MIB1: variants seen among roughly 807,000 people sequenced by gnomAD.
The protein encoded by MIB1 is MIB E3 ubiquitin protein ligase 1.
A neutral mutation model predicts 124.5 loss-of-function variants in MIB1; 278 were observed. The ratio of observed to expected loss-of-function variants is 2.23; its 90% confidence interval spans 2.02 to 2.47. The LOEUF (loss-of-function observed/expected upper bound fraction) is 2.47. Ranked by LOEUF, MIB1 falls within the 30% of genes most tolerant of loss-of-function variation. MIB1 has a pLI of 0.00. For synonymous variants in MIB1, 446 were observed against 429.4 expected (o/e 1.04, Z -0.48); for missense variants, 957 against 1,254.4 (o/e 0.76, Z 3.58).
At position 21,765,845 on chromosome 18, in the gene MIB1, A is replaced by C; in HGVS notation, c.303A>C (p.Ala101=). ...TCATTGGCATTCGATGGAAGTGTGCAGAGTGTACAAATTATGATTTGTGCA... is the reference window on the plus strand; with the variant it reads ...TCATTGGCATTCGATGGAAGTGTGCCGAGTGTACAAATTATGATTTGTGCA... ...QPIIGIRWKC[A]ECTNYDLCTV... The change falls in exon 2 of 21, where the codon GCA becomes GCC. Residue 101 remains alanine, a synonymous_variant. Coordinates refer to ENST00000261537, the MANE Select transcript of MIB1 (RefSeq NM_020774.4). The C allele has an allele frequency of 6.2e-7, 1 of 1,614,186 alleles. No individual in the cohort carries two copies. The highest frequency in any genetic ancestry group is 8.5e-7 in the Non-Finnish European group (1 of 1,179,984).
chr18:21,743,539 T>C (rs2040879983), intron 1 of MIB1, among the ~76,000 whole-genome samples: 1 of 152,260 alleles, frequency 6.6e-6, no homozygotes, highest in South Asian at 2.1e-4. Flanking sequence ...ATTTAACATT[T>C]TGGTAGATGT....
At chr18:21,822,976 A>G (rs1011214158) in intron 12 of MIB1, among the ~76,000 whole-genome samples, 1 of 151,994 alleles carries the variant, frequency 6.6e-6, no homozygotes. Flanking sequence ...GCTCATGCCT[A>G]TAATCCCAGC....
At chr18:21,712,735 C>A (rs1304456034) in intron 1 of MIB1, among the ~76,000 whole-genome samples, 1 of 152,156 alleles carries the variant, frequency 6.6e-6, no homozygotes, top group Non-Finnish European at 1.5e-5. Flanking sequence ...AGCCCCTGAT[C>A]AGAGGACCCA....
Position 21,849,396 on chromosome 18 carries a change from A to G in MIB1, c.2586+8A>G, listed in dbSNP as rs1182505615. 4.0e-6 allele frequency: 6 copies of G among 1,505,118 alleles called. No individual in the cohort carries two copies. The highest frequency in any genetic ancestry group is 1.4e-5 in the African/African-American group (1 of 71,108). 93.2% of individuals were successfully genotyped at this position (1,505,118 alleles called of 1,614,324 possible). ...GTTCAATCCAGGACAAAGGTAAGATATATTTAATATAGTATTTTGTCATTT... is the reference window on the plus strand; with the variant it reads ...GTTCAATCCAGGACAAAGGTAAGATGTATTTAATATAGTATTTTGTCATTT... On this transcript the variant is annotated splice_region_variant and intron_variant, in intron 17 of 20. Transcript: ENST00000261537.
At chr18:21,709,548 A>G (rs754743863) in intron 1 of MIB1, among the ~76,000 whole-genome samples, 39 of 152,126 alleles carry the variant, frequency 2.6e-4, no homozygotes, top group Non-Finnish European at 5.4e-4. Context: ...ATTTATTCAA[A>G]GTCTGTTGTG....
chr18:21,765,413 A>C (rs2041145311), intron 1 of MIB1, among the ~76,000 whole-genome samples: 2 of 152,176 alleles, frequency 1.3e-5, no homozygotes, highest in Non-Finnish European at 2.9e-5. Flanking sequence ...AAATAGTTGA[A>C]AATTCTTTCA....
At chr18:21,707,268 T>C (rs1446301118) in intron 1 of MIB1, among the ~76,000 whole-genome samples, 1 of 152,166 alleles carries the variant, frequency 6.6e-6, no homozygotes, top group Non-Finnish European at 1.5e-5. Context: ...TGGAGAAATT[T>C]TGTGTCTAGC....
At chr18:21,842,116 A>AAAAAAAAAAAAG (rs1555695873) in intron 13 of MIB1, among the ~76,000 whole-genome samples, 14 of 121,192 alleles carry the variant, frequency 1.2e-4, no homozygotes, top group South Asian at 5.7e-4. Flanking sequence ...AAAAAAAAAA[A>AAAAAAAAAAAAG]AAGAAGAAAA....
At chr18:21,750,437 G>A (rs1401463872) in intron 1 of MIB1, among the ~76,000 whole-genome samples, 1 of 151,034 alleles carries the variant, frequency 6.6e-6, no homozygotes, top group East Asian at 2.0e-4. Context: ...ATGCCATTCT[G>A]CTGCCTCAGC....
chr18:21,846,876 T>C (rs1179998432), intron 15 of MIB1, 68 bp from the exon 16 acceptor site: 1 of 1,443,812 alleles, frequency 6.9e-7, no homozygotes, highest in Admixed American at 1.7e-5. Flanking sequence ...CACACATACA[T>C]ATATATGATG....
At chr18:21,809,677 A>G (rs1275535241) in intron 10 of MIB1, among the ~76,000 whole-genome samples, 3 of 152,284 alleles carry the variant, frequency 2.0e-5, no homozygotes, top group South Asian at 4.1e-4. Flanking sequence ...AATTGACCAG[A>G]AAAAGCATTT....
chr18:21,710,995 T>G (rs1420904001), intron 1 of MIB1, among the ~76,000 whole-genome samples: 1 of 151,866 alleles, frequency 6.6e-6, no homozygotes, highest in Non-Finnish European at 1.5e-5. Flanking sequence ...CCCAGATAAT[T>G]TTTGTATTTT....
At chr18:21,789,776 AAAAAT>A (rs1351017840) in intron 6 of MIB1, among the ~76,000 whole-genome samples, 3 of 152,204 alleles carry the variant, frequency 2.0e-5, no homozygotes, top group Non-Finnish European at 4.4e-5. Context: ...CAAAAAAAGA[AAAAAT>A]AAAGCAAACA....
chr18:21,787,468 C>G (rs767398504), intron 6 of MIB1, among the ~76,000 whole-genome samples: 1 of 152,110 alleles, frequency 6.6e-6, no homozygotes, highest in Non-Finnish European at 1.5e-5. Flanking sequence ...TGCAGGTACT[C>G]ATAAGGCTTC....
At chr18:21,806,632 T>G (rs532460310) in intron 10 of MIB1, among the ~76,000 whole-genome samples, 51 of 151,762 alleles carry the variant, frequency 3.4e-4, no homozygotes, top group Admixed American at 1.0e-3. Context: ...TTTGTTTTTT[T>G]TTTTTTGAGA....
chr18:21,754,105 T>C (rs1486124621), intron 1 of MIB1, among the ~76,000 whole-genome samples: 1 of 152,240 alleles, frequency 6.6e-6, no homozygotes, highest in African/African-American at 2.4e-5. Context: ...CCCTGTTGGC[T>C]CTGCCAGTAG....
At chr18:21,810,204 T>C (rs1378203894) in intron 10 of MIB1, among the ~76,000 whole-genome samples, 2 of 152,064 alleles carry the variant, frequency 1.3e-5, no homozygotes, top group Admixed American at 6.5e-5. Flanking sequence ...ATAAGACTTA[T>C]ACATTGAAAA....
chr18:21,743,182 TTTGTGTA>T (rs1255963181), intron 1 of MIB1, among the ~76,000 whole-genome samples: 7 of 152,344 alleles, frequency 4.6e-5, no homozygotes, highest in Non-Finnish European at 8.8e-5. Flanking sequence ...TTACCAGTTT[TTTGTGTA>T]GTCTTGCAGA....
In MIB1 at chr18:21,853,226, G is replaced by A; in HGVS notation, c.2665+8G>A. ...ACATGTGTGCTTGTGAGAGTAAGTA[G>A]CCTATGCAGAGTTCCTCAATATTAT... On this transcript the variant is annotated splice_region_variant and intron_variant, in intron 18 of 20. Transcript: ENST00000261537. The A allele has an allele frequency of 1.3e-6, 2 of 1,587,174 alleles. No homozygotes were observed. Among genetic ancestry groups the A allele is most frequent in the Non-Finnish European group, 8.6e-7 (1 of 1,157,010 alleles).
Sources: gnomAD v4.1 joint callset for allele counts (sites outside exome capture counted in the v4.1 genomes callset) on GRCh38, gnomAD v4.1.1 for gene constraint, MANE v1.5 for transcripts, NCBI Gene and HGNC (gene_info 2026-07-23, HGNC 2026-07-21) for gene names.